The following FOCAD variants were observed in gnomAD, a reference collection of about 807,000 sequenced individuals.
FOCAD encodes the protein KIAA1797.
A neutral mutation model predicts 225.6 loss-of-function variants in FOCAD; 198 were observed. That is an observed-to-expected ratio of 0.88 (90% CI 0.78 to 0.99). The LOEUF (loss-of-function observed/expected upper bound fraction) is 0.99, where lower values mean the gene tolerates loss of function less well. FOCAD is among the 50% of genes least tolerant of loss of function. FOCAD has a pLI of 0.00. For missense variants in FOCAD, 2,713 were observed against 2,123.6 expected (o/e 1.28, Z -5.46); for synonymous variants, 897 against 755.0 (o/e 1.19, Z -3.08).
In FOCAD at chr9:20,803,876, C is replaced by T. The variant is rs1189468814; in HGVS notation, c.1455+14268C>T. 2.6e-5 allele frequency among the ~76,000 whole-genome samples: 4 copies of T among 152,104 alleles called. 1 individual carries two copies. Among genetic ancestry groups the T allele is most frequent in the East Asian group, 3.9e-4 (2 of 5,134 alleles). ...AGTGGTGTGGAGAAGTCAAGCCTAG[C>T]AGCATCAATTAAAGGTTGTAAGGTT... On this transcript the variant is annotated intron_variant, in intron 11 of 43. Transcript: ENST00000338382.
intron 15 of FOCAD, among the ~76,000 whole-genome samples, chr9:20,826,710 A>G (rs1052803798): frequency 1.3e-5 from 2 of 152,116 alleles, no homozygotes; most frequent in African/African-American, 4.8e-5. Context: ...GAAGAAACAG[A>G]GCCTCTGGCA....
In FOCAD at chr9:20,767,522, T is replaced by C. The variant is rs1484903063; in HGVS notation, c.699+2449T>C. ...ACTTTTTAATGATCGCCATTCTAAC[T>C]GGTGTGAGATGGTATCTCATTGTGG... On this transcript the variant is annotated intron_variant, in intron 7 of 43. Transcript: ENST00000338382. Among the ~76,000 whole-genome samples, 4 of 151,894 alleles carry C rather than the reference T, an allele frequency of 2.6e-5. No individual in the cohort carries two copies. In the East Asian group the frequency reaches 5.8e-4, roughly 22 times the overall value.
At chr9:20,819,217 T>C (rs1450981274) in intron 11 of FOCAD, among the ~76,000 whole-genome samples, 2 of 152,104 alleles carry the variant, frequency 1.3e-5, no homozygotes, top group Non-Finnish European at 1.5e-5. Context: ...GCAGGATATA[T>C]CTTTTTATTT....
upstream of FOCAD, among the ~76,000 whole-genome samples, chr9:20,680,886 C>A (rs983554507): frequency 1.3e-5 from 2 of 152,104 alleles, no homozygotes; most frequent in African/African-American, 4.8e-5. Context: ...GCAGACCCAG[C>A]TACTTGGAAA....
chr9:20,909,190 G>A (rs186620787), intron 22 of FOCAD, among the ~76,000 whole-genome samples: 199 of 152,176 alleles, frequency 1.3e-3, no homozygotes, highest in Admixed American at 4.8e-3. Context: ...TGAGTAACTA[G>A]TGTGTGTCCA....
intron 11 of FOCAD, among the ~76,000 whole-genome samples, chr9:20,804,497 A>G (rs139237537): frequency 6.6e-6 from 1 of 152,274 alleles, no homozygotes; most frequent in Admixed American, 6.5e-5. Flanking sequence ...AGAATCATGC[A>G]TGCATATATT....
At position 20,922,669 on chromosome 9, in the gene FOCAD, T is replaced by C. The variant is rs1290527853; in HGVS notation, c.2853-991T>C. On this transcript the variant is annotated intron_variant, in intron 24 of 43. Coordinates refer to ENST00000338382, the MANE Select transcript of FOCAD (RefSeq NM_001375567.1). ...CTGCCCTGAGGTAAGCAGGAAGTGG[T>C]TCTTGGATCATGCACTGAATTCAGA... Among the ~76,000 whole-genome samples, 5 of 152,206 alleles carry C rather than the reference T, an allele frequency of 3.3e-5. No homozygotes were observed. The East Asian group carries it at 9.6e-4, about 29-fold the overall frequency.
chr9:20,736,258 A>G (rs1173253128), intron 4 of FOCAD, among the ~76,000 whole-genome samples: 2 of 152,084 alleles, frequency 1.3e-5, no homozygotes, highest in Non-Finnish European at 2.9e-5. Flanking sequence ...GTCAGCAATT[A>G]TTTTATTTCA....
chr9:20,804,728 C>A (rs1442977664), intron 11 of FOCAD, among the ~76,000 whole-genome samples: 1 of 152,044 alleles, frequency 6.6e-6, no homozygotes, highest in East Asian at 1.9e-4. Flanking sequence ...ATTAGAGACT[C>A]TGGAGGACAT....
chr9:20,929,299 T>C, intron 26 of FOCAD, 59 bp from the exon 27 acceptor site: 1 of 1,324,632 alleles, frequency 7.5e-7, no homozygotes, highest in South Asian at 1.2e-5. Context: ...GCTTTTATGA[T>C]AGGTATGCTT....
At chr9:20,684,080 C>CACGCCGCCT (rs1822503345), upstream of FOCAD, 1 of 152,344 alleles carries the variant, frequency 6.6e-6, no homozygotes, top group Non-Finnish European at 1.5e-5. Context: ...GTCCGCCGCC[C>CACGCCGCCT]ACGCCGCCTT....
upstream of FOCAD, among the ~76,000 whole-genome samples, chr9:20,656,559 G>C (rs1368699483): frequency 6.6e-6 from 1 of 151,824 alleles, no homozygotes; most frequent in East Asian, 1.9e-4. Context: ...TTTGATCTTT[G>C]TTGGTTTAAA....
chr9:20,744,970 T>A (rs1827927628), intron 5 of FOCAD, among the ~76,000 whole-genome samples: 1 of 152,220 alleles, frequency 6.6e-6, no homozygotes. Context: ...CTAGTTATAC[T>A]AATTAACATT....
At chr9:20,834,433 G>A (rs1398685408) in intron 15 of FOCAD, among the ~76,000 whole-genome samples, 2 of 151,952 alleles carry the variant, frequency 1.3e-5, no homozygotes, top group Non-Finnish European at 2.9e-5. Flanking sequence ...TCCTACACAT[G>A]TACCTTGGAA....
In FOCAD at chr9:20,820,506, G is replaced by T. The variant is rs141850762; in HGVS notation, c.1662+81G>T. On this transcript the variant is annotated intron_variant, in intron 13 of 43. Transcript: ENST00000338382. ...AAATAATTATGTCATATATGGCAATGCTTTGGTTTAGTGGTATTAATGAGT... is the reference window on the plus strand; with the variant it reads ...AAATAATTATGTCATATATGGCAATTCTTTGGTTTAGTGGTATTAATGAGT... 701 of 1,272,416 alleles carry T rather than the reference G, an allele frequency of 5.5e-4. 5 individuals are homozygous for T. The African/African-American group carries it at 9.5e-3, about 17-fold the overall frequency. The allele number at this position is 1,272,416 out of a possible 1,614,324, so 78.8% of individuals were successfully genotyped here. A position where few individuals can be genotyped will look rare whatever the true frequency, so the allele number is the denominator to read the frequency against.
chr9:20,981,812 T>C, intron 38 of FOCAD, 126 bp downstream of exon 38: 1 of 1,023,412 alleles, frequency 9.8e-7, no homozygotes, highest in Non-Finnish European at 1.4e-6. Context: ...AATAACCACA[T>C]TCTTTACTAG....
chr9:20,750,561 C>G (rs1466316116), intron 5 of FOCAD, among the ~76,000 whole-genome samples: 1 of 152,130 alleles, frequency 6.6e-6, no homozygotes, highest in East Asian at 1.9e-4. Context: ...ATTAGAGGCA[C>G]TAGAGACCAA....
intron 2 of FOCAD, among the ~76,000 whole-genome samples, chr9:20,679,005 A>T (rs1228926999): frequency 2.0e-5 from 3 of 152,188 alleles, no homozygotes; most frequent in African/African-American, 7.2e-5. Flanking sequence ...TGATGGAATG[A>T]GTCACAAAGA....
intron 7 of FOCAD, among the ~76,000 whole-genome samples, chr9:20,766,207 G>C (rs986244437): frequency 1.3e-5 from 2 of 152,062 alleles, no homozygotes; most frequent in Non-Finnish European, 1.5e-5. Flanking sequence ...AAATGAGCTC[G>C]GTGGAATATT....
Sources: gnomAD v4.1 joint callset for allele counts (sites outside exome capture counted in the v4.1 genomes callset) on GRCh38, gnomAD v4.1.1 for gene constraint, MANE v1.5 for transcripts, NCBI Gene and HGNC (gene_info 2026-07-23, HGNC 2026-07-21) for gene names.